The following AP1S3 variants were observed in gnomAD, a reference collection of about 807,000 sequenced individuals.
The protein encoded by AP1S3 is AP-1 complex subunit sigma-3.
In AP1S3, 10 loss-of-function variants were observed where a neutral mutation model predicts 20.9. The observed-to-expected ratio is 0.48, with a 90% CI of 0.29 to 0.81. AP1S3 has a LOEUF of 0.81. AP1S3 is among the 30% of genes least tolerant of loss of function. The probability of loss-of-function intolerance (pLI) is 0.08; values close to 1 mark genes in which losing one functional copy is unlikely to be tolerated. For missense variants in AP1S3, 154 were observed against 183.8 expected (o/e 0.84, Z 0.94); for synonymous variants, 41 against 61.5 (o/e 0.67, Z 1.56).
At chr2:223,800,838 A>G (rs1347743516) in intron 1 of AP1S3, among the ~76,000 whole-genome samples, 5 of 152,236 alleles carry the variant, frequency 3.3e-5, no homozygotes, top group African/African-American at 9.6e-5. Context: ...AGCTAATGCA[A>G]TAGGACAAGA....
intron 1 of AP1S3, among the ~76,000 whole-genome samples, chr2:223,830,676 G>A (rs541954850): frequency 3.3e-5 from 5 of 152,236 alleles, no homozygotes; most frequent in Admixed American, 2.6e-4. Context: ...TGTCCACTGA[G>A]CTTCAACCCA....
At chr2:223,789,835 C>CAAA (rs35429659) in intron 1 of AP1S3, among the ~76,000 whole-genome samples, 4 of 120,830 alleles carry the variant, frequency 3.3e-5, no homozygotes, top group Non-Finnish European at 5.2e-5. Context: ...AAGACTCTAT[C>CAAA]AAAAAAAAAA....
At chr2:223,827,632 CA>C (rs1276139990) in intron 1 of AP1S3, among the ~76,000 whole-genome samples, 1 of 151,946 alleles carries the variant, frequency 6.6e-6, no homozygotes, top group Non-Finnish European at 1.5e-5. Flanking sequence ...GTGATCTACC[CA>C]CCTCACCCTC....
intron 3 of AP1S3, among the ~76,000 whole-genome samples, chr2:223,768,344 C>T (rs1690530873): frequency 6.6e-6 from 1 of 152,148 alleles, no homozygotes; most frequent in Non-Finnish European, 1.5e-5. Flanking sequence ...TGTGGCGATT[C>T]CCCACATCCC....
rs140441219 is a variant in AP1S3 at position 223,817,016 on chromosome 2, G to A, written c.3+20432C>T. ...GATGCATACCTGTAATCCCAGCTAC[G>A]CAGGAGGCTGAGGCAGGAGAATCAC... is the stretch of plus-strand genomic sequence containing the variant. On this transcript the variant is annotated intron_variant, in intron 1 of 4. Coordinates refer to ENST00000396654, the MANE Select transcript of AP1S3 (RefSeq NM_001039569.2). 5.3e-5 allele frequency among the ~76,000 whole-genome samples: 8 copies of A among 152,202 alleles called. No individual in the cohort carries two copies. The East Asian group carries it at 7.8e-4, about 15-fold the overall frequency.
At chr2:223,807,638 T>C (rs1272396747) in intron 1 of AP1S3, among the ~76,000 whole-genome samples, 1 of 152,088 alleles carries the variant, frequency 6.6e-6, no homozygotes, top group Non-Finnish European at 1.5e-5. Context: ...CGATAGTAAG[T>C]GAGGAAGTTA....
intron 2 of AP1S3, among the ~76,000 whole-genome samples, chr2:223,776,434 C>T (rs1690786478): frequency 6.6e-6 from 1 of 152,242 alleles, no homozygotes. Flanking sequence ...GAGCCTCCCT[C>T]CTCAATTTGT....
intron 1 of AP1S3, among the ~76,000 whole-genome samples, chr2:223,800,580 G>GA (rs1286834731): frequency 6.6e-6 from 1 of 151,576 alleles, no homozygotes. Flanking sequence ...GGCTAAAAAA[G>GA]AAAAATCACA....
chr2:223,836,654 C>T lies in AP1S3; in HGVS notation c.3+794G>A, dbSNP rs111923822. On this transcript the variant is annotated intron_variant, in intron 1 of 4. Transcript: ENST00000396654. ...ACTCGGGAGGCTGAGGCAGGAGAAT[C>T]GCTTGAACCCGGGAGGCAGAGCCGA... is the stretch of plus-strand genomic sequence containing the variant. Among the ~76,000 whole-genome samples the T allele has an allele frequency of 2.6e-3, 392 of 152,150 alleles. 1 individual carries two copies. Among genetic ancestry groups the T allele is most frequent in the African/African-American group, 9.2e-3 (380 of 41,490 alleles).
chr2:223,770,012 G>A (rs1690575763), intron 3 of AP1S3, among the ~76,000 whole-genome samples: 1 of 152,120 alleles, frequency 6.6e-6, no homozygotes, highest in South Asian at 2.1e-4. Context: ...CCAAAGTGCT[G>A]GGATTACAGG....
chr2:223,758,346 T>G lies in AP1S3; in HGVS notation c.*369A>C. 1.0e-6 allele frequency: 1 copy of G among 1,002,664 alleles called. No homozygotes were observed. Among genetic ancestry groups the G allele is most frequent in the African/African-American group, 1.7e-5 (1 of 58,254 alleles). The allele number at this position is 1,002,664 out of a possible 1,614,324, so 62.1% of individuals were successfully genotyped here. On this transcript the variant is annotated 3_prime_UTR_variant, in exon 5 of 5. Coordinates refer to ENST00000396654, the MANE Select transcript of AP1S3 (RefSeq NM_001039569.2). ...CATCATATATACTTTACATTCAAAA[T>G]CATGGATTATTACAATATTGTGTCA...
At chr2:223,781,586 A>AAAT (rs145947963) in intron 1 of AP1S3, among the ~76,000 whole-genome samples, 7 of 152,064 alleles carry the variant, frequency 4.6e-5, no homozygotes, top group East Asian at 1.9e-4. Flanking sequence ...AAATAACAAT[A>AAAT]AATAATAATA....
intron 1 of AP1S3, among the ~76,000 whole-genome samples, chr2:223,787,346 A>G (rs370075640): frequency 6.6e-6 from 1 of 152,228 alleles, no homozygotes. Context: ...GATGAATACA[A>G]GAAGAAATAT....
chr2:223,790,081 AG>A (rs1691179506), intron 1 of AP1S3, among the ~76,000 whole-genome samples: 1 of 152,198 alleles, frequency 6.6e-6, no homozygotes, highest in South Asian at 2.1e-4. Context: ...CTGAGATTCC[AG>A]GAAGACAGTT....
Position 223,775,947 on chromosome 2 carries a change from T to G in AP1S3, c.245A>C (p.Glu82Ala). 2 of 1,614,142 alleles carry G rather than the reference T, an allele frequency of 1.2e-6. No individual in the cohort carries two copies. The highest frequency in any genetic ancestry group is 1.7e-6 in the Non-Finnish European group (2 of 1,180,016). The change falls in exon 3 of 5, where the codon GAG (glutamate) becomes GCG (alanine). Residue 82 changes from glutamate (E) to alanine (A), a missense_variant. Coordinates refer to ENST00000396654, the MANE Select transcript of AP1S3 (RefSeq NM_001039569.2). ...ENQDNELLTL[E>A]IVHRYVELLD... is the part of the protein sequence containing the mutation. ...CAGCTCCACGTAACGATGCACAATC[T>G]CTAGCGTCAAGAGCTCATTGTCCTG...
Position 223,755,942 on chromosome 2 carries a change from G to T in AP1S3, c.*2773C>A. On this transcript the variant is annotated 3_prime_UTR_variant, in exon 5 of 5. Coordinates refer to ENST00000396654, the MANE Select transcript of AP1S3 (RefSeq NM_001039569.2). ...AACATGTGTAGTATATTTGAATGAG[G>T]TTCAAGAGATACCTTTATCCAAATA... is the stretch of plus-strand genomic sequence containing the variant. 1 of 985,394 alleles carries T rather than the reference G, an allele frequency of 1.0e-6. No homozygotes were observed. The highest frequency in any genetic ancestry group is 1.2e-6 in the Non-Finnish European group (1 of 829,928). 61.0% of individuals were successfully genotyped at this position (985,394 alleles called of 1,614,324 possible).
At chr2:223,762,444 TG>T (rs1244204206) in intron 4 of AP1S3, among the ~76,000 whole-genome samples, 5 of 152,070 alleles carry the variant, frequency 3.3e-5, no homozygotes, top group Admixed American at 3.3e-4. Context: ...GGCTAATTTT[TG>T]TATTTTTAGT....
intron 1 of AP1S3, among the ~76,000 whole-genome samples, chr2:223,798,175 A>T (rs978601105): frequency 1.3e-5 from 2 of 152,238 alleles, no homozygotes; most frequent in African/African-American, 4.8e-5. Flanking sequence ...TTAAATCTCC[A>T]CAATCTCAGA....
chr2:223,756,898 A>G lies in AP1S3; in HGVS notation c.*1817T>C, dbSNP rs534856479. On this transcript the variant is annotated 3_prime_UTR_variant, in exon 5 of 5. Transcript: ENST00000396654. ...GTCCCAAACCACTCTAATATGAATG[A>G]TACCAGACCTCAAAGCTAACATTGA... The G allele has an allele frequency of 4.4e-5, 43 of 985,472 alleles. No homozygotes were observed. In the African/African-American group the frequency reaches 6.6e-4, roughly 15 times the overall value. 61.0% of individuals were successfully genotyped at this position (985,472 alleles called of 1,614,324 possible). A position where few individuals can be genotyped will look rare whatever the true frequency, so the allele number is the denominator to read the frequency against.
Sources: gnomAD v4.1 joint callset for allele counts (sites outside exome capture counted in the v4.1 genomes callset) on GRCh38, gnomAD v4.1.1 for gene constraint, MANE v1.5 for transcripts, NCBI Gene and HGNC (gene_info 2026-07-23, HGNC 2026-07-21) for gene names.